The following GALNT13 variants were observed in gnomAD, a reference collection of about 807,000 sequenced individuals.
GALNT13 encodes the protein polypeptide N-acetylgalactosaminyltransferase 13, also known as UDP-GalNAc:polypeptide N-acetylgalactosaminyltransferase 13.
In GALNT13, 28 loss-of-function variants were observed where a neutral mutation model predicts 64.2. That is an observed-to-expected ratio of 0.44 (90% CI 0.32 to 0.60). The LOEUF (loss-of-function observed/expected upper bound fraction) is 0.60, where lower values mean the gene tolerates loss of function less well. GALNT13 is among the 20% of genes least tolerant of loss of function. The pLI, the probability that GALNT13 is intolerant of heterozygous loss-of-function variation, is 0.05. For missense variants in GALNT13, 577 were observed against 669.8 expected, an observed-to-expected ratio of 0.86 and a Z score of 1.53; for synonymous variants, 214 against 224.6, an observed-to-expected ratio of 0.95 and a Z score of 0.42.
chr2:153,134,073 A>G, the GALNT13 span, among the ~76,000 whole-genome samples: 1 of 152,304 alleles, frequency 6.6e-6, no homozygotes, highest in African/African-American at 2.4e-5. Context: ...ATTTAGTCTA[A>G]TTACTGTAAT....
chr2:153,592,996 G>A, the GALNT13 span: 10 of 152,410 alleles, frequency 6.6e-5, no homozygotes, highest in African/African-American at 2.4e-4. Flanking sequence ...AGGGAAGCCA[G>A]AGGAGCAGGG....
the GALNT13 span, among the ~76,000 whole-genome samples, chr2:153,158,663 A>G: frequency 0.013 from 2,035 of 152,252 alleles, 60 homozygotes; most frequent in African/African-American, 0.047. Flanking sequence ...TATTCTAAGG[A>G]AAGCTGGTGG....
At chr2:153,965,091 A>G (rs997580744) in intron 3 of GALNT13, among the ~76,000 whole-genome samples, 5 of 152,166 alleles carry the variant, frequency 3.3e-5, no homozygotes, top group Non-Finnish European at 7.4e-5. Context: ...AGTTTTACAT[A>G]TTTATGAGGT....
chr2:153,083,582 G>C, the GALNT13 span, among the ~76,000 whole-genome samples: 1 of 151,870 alleles, frequency 6.6e-6, no homozygotes, highest in Non-Finnish European at 1.5e-5. Context: ...ACTTTTGATG[G>C]TATTATTTTT....
At chr2:153,397,138 C>A in the GALNT13 span, among the ~76,000 whole-genome samples, 1 of 152,076 alleles carries the variant, frequency 6.6e-6, no homozygotes, top group Non-Finnish European at 1.5e-5. Context: ...AACATCTAAC[C>A]AATGGCACTG....
chr2:153,336,421 C>A, the GALNT13 span, among the ~76,000 whole-genome samples: 1 of 152,172 alleles, frequency 6.6e-6, no homozygotes, highest in Non-Finnish European at 1.5e-5. Flanking sequence ...CCACCTCTTG[C>A]ATCAGCATGA....
At chr2:153,418,664 A>T in the GALNT13 span, among the ~76,000 whole-genome samples, 1 of 152,136 alleles carries the variant, frequency 6.6e-6, no homozygotes, top group Non-Finnish European at 1.5e-5. Context: ...TGGTAGATGG[A>T]CTATAGAGAA....
intron 9 of GALNT13, among the ~76,000 whole-genome samples, chr2:154,381,728 CA>C (rs1175847987): frequency 6.6e-6 from 1 of 152,074 alleles, no homozygotes; most frequent in Non-Finnish European, 1.5e-5. Context: ...TCAGGTTATT[CA>C]TGTGTGAAAG....
the GALNT13 span, among the ~76,000 whole-genome samples, chr2:153,666,517 G>T: frequency 1.3e-5 from 2 of 152,148 alleles, no homozygotes; most frequent in Non-Finnish European, 1.5e-5. Context: ...CACAGCAGGT[G>T]CTTAACCTTA....
chr2:153,312,650 G>A, the GALNT13 span, among the ~76,000 whole-genome samples: 1 of 152,132 alleles, frequency 6.6e-6, no homozygotes. Flanking sequence ...CAGGGTTAAT[G>A]TCCTTACATC....
chr2:154,398,395 A>G (rs1699151946), intron 10 of GALNT13, among the ~76,000 whole-genome samples: 1 of 152,224 alleles, frequency 6.6e-6, no homozygotes, highest in Admixed American at 6.5e-5. Context: ...TAAAAATCCA[A>G]TTTTATGCTG....
chr2:154,018,467 A>C (rs1697168850), intron 3 of GALNT13, among the ~76,000 whole-genome samples: 1 of 152,048 alleles, frequency 6.6e-6, no homozygotes, highest in East Asian at 1.9e-4. Flanking sequence ...GTTATTGTAA[A>C]CTCAAGATGA....
the GALNT13 span, among the ~76,000 whole-genome samples, chr2:153,286,512 G>T: frequency 2.0e-5 from 3 of 152,202 alleles, no homozygotes; most frequent in East Asian, 5.8e-4. Flanking sequence ...AAAGTTAGGA[G>T]GAGTAATGTG....
At chr2:154,225,149 A>AGATTGATAGAT (rs1553499102) in intron 4 of GALNT13, among the ~76,000 whole-genome samples, 1 of 80,980 alleles carries the variant, frequency 1.2e-5, no homozygotes, top group African/African-American at 5.1e-5. Context: ...GATAGATGAC[A>AGATTGATAGAT]GATAGATAGA....
At chr2:154,245,318 G>C (rs927734579) in intron 6 of GALNT13, among the ~76,000 whole-genome samples, 4 of 151,986 alleles carry the variant, frequency 2.6e-5, no homozygotes, top group African/African-American at 9.7e-5. Flanking sequence ...GTTGCTGTTT[G>C]TTGATTTCTG....
At chr2:154,263,351 G>A (rs1019354060) in intron 8 of GALNT13, among the ~76,000 whole-genome samples, 4 of 152,126 alleles carry the variant, frequency 2.6e-5, no homozygotes, top group Non-Finnish European at 5.9e-5. Context: ...ATATTGTGCT[G>A]AGTACTCCAC....
the GALNT13 span, among the ~76,000 whole-genome samples, chr2:153,425,499 C>G: frequency 6.6e-6 from 1 of 151,626 alleles, no homozygotes; most frequent in African/African-American, 2.4e-5. Context: ...AAATTCAATA[C>G]ACAGGAAACT....
At chr2:154,254,228 C>T (rs1031189125) in intron 7 of GALNT13, among the ~76,000 whole-genome samples, 1 of 152,140 alleles carries the variant, frequency 6.6e-6, no homozygotes, top group Non-Finnish European at 1.5e-5. Context: ...CAGCTAAACA[C>T]TTTACATGCA....
chr2:153,817,950 T>G, the GALNT13 span, among the ~76,000 whole-genome samples: 10 of 151,908 alleles, frequency 6.6e-5, no homozygotes, highest in Non-Finnish European at 1.3e-4. Context: ...ACTGCTCGCA[T>G]GGAAAGGAAA....
Sources: gnomAD v4.1 joint callset for allele counts (sites outside exome capture counted in the v4.1 genomes callset) on GRCh38, gnomAD v4.1.1 for gene constraint, MANE v1.5 for transcripts, NCBI Gene and HGNC (gene_info 2026-07-23, HGNC 2026-07-21) for gene names.